BCL9L: variants seen among roughly 807,000 people sequenced by gnomAD.
BCL9L encodes B-cell CLL/lymphoma 9-like protein.
Under a neutral mutation model 99.4 loss-of-function variants are expected in BCL9L, and 19 were observed. The observed-to-expected ratio is 0.19, with a 90% CI of 0.13 to 0.28. BCL9L has a LOEUF of 0.28. Ranked by LOEUF, BCL9L falls within the 10% of genes least tolerant of loss-of-function variation. The probability of loss-of-function intolerance (pLI) is 1.00; values close to 1 mark genes in which losing one functional copy is unlikely to be tolerated. For synonymous variants in BCL9L, 900 were observed against 854.8 expected (o/e 1.05, Z -0.92); for missense variants, 2,023 against 2,101.6 (o/e 0.96, Z 0.73).
Position 118,900,683 on chromosome 11 carries a change from G to A in BCL9L, c.3060C>T (p.Val1020=). Residue 1020 remains valine (V), a synonymous_variant, in exon 8 of 10, where the codon GTC becomes GTT. Transcript: ENST00000683865. The surrounding 1 kb of genome is among the most constrained non-coding windows in gnomAD (Gnocchi z 5.3). ...SPKTAMPSPG[V]SQNKQPPLNM... ...TGAGAGGCGGCTGCTTGTTCTGGGA[G>A]ACCCCCGGGCTGGGCATGGCCGTCT... 1 of 1,613,520 alleles carries A rather than the reference G, an allele frequency of 6.2e-7. No homozygotes were observed. Among genetic ancestry groups the A allele is most frequent in the Non-Finnish European group, 8.5e-7 (1 of 1,179,826 alleles).
At chr11:118,907,874 G>A (rs1027630811) in intron 4 of BCL9L, among the ~76,000 whole-genome samples, 2 of 152,214 alleles carry the variant, frequency 1.3e-5, no homozygotes, top group Non-Finnish European at 2.9e-5. Context: ...CTGGAGGGGA[G>A]GGGGAGCTGC....
chr11:118,911,319 G>C (rs1420889881), intron 2 of BCL9L: 1 of 452,514 alleles, frequency 2.2e-6, no homozygotes, highest in Non-Finnish European at 4.4e-6. Context: ...GCTCCCTGCG[G>C]GGCTGCTGGA....
At chr11:118,911,224 G>A (rs1194545983) in intron 2 of BCL9L, 1 of 455,874 alleles carries the variant, frequency 2.2e-6, no homozygotes, top group Admixed American at 2.3e-5. Flanking sequence ...TCCAGCAGCC[G>A]ATCCCGGTCA....
At chr11:118,912,584 C>T (rs1293052590) in intron 2 of BCL9L, among the ~76,000 whole-genome samples, 1 of 152,138 alleles carries the variant, frequency 6.6e-6, no homozygotes, top group Non-Finnish European at 1.5e-5. Context: ...CTGAGGAAGG[C>T]TCAGATGCCC....
intron 2 of BCL9L, chr11:118,910,642 G>T (rs1008629765): frequency 6.6e-6 from 1 of 152,624 alleles, no homozygotes; most frequent in African/African-American, 2.4e-5. Flanking sequence ...CTTCGGCAGA[G>T]CCCGGGCGGA....
At chr11:118,920,702 G>A (rs1024548664) in intron 1 of BCL9L, among the ~76,000 whole-genome samples, 3 of 152,152 alleles carry the variant, frequency 2.0e-5, no homozygotes, top group East Asian at 3.8e-4. Flanking sequence ...TGGACAGGTG[G>A]TATGAGGACC....
chr11:118,924,645 G>A (rs1432909646), intron 1 of BCL9L, among the ~76,000 whole-genome samples: 6 of 152,108 alleles, frequency 3.9e-5, no homozygotes, highest in Non-Finnish European at 7.4e-5. Context: ...ATCAAGACAG[G>A]GGCCACCTCC....
rs1384694640 is a variant in BCL9L, at chr11:118,901,065, G to C, written c.2678C>G (p.Pro893Arg). 3 of 1,603,382 alleles carry C rather than the reference G, an allele frequency of 1.9e-6. No individual in the cohort carries two copies. Among genetic ancestry groups the C allele is most frequent in the Non-Finnish European group, 2.6e-6 (3 of 1,174,256 alleles). ...GTTRLSHMPL[P>R]PASNPPGTVH... ...GGTCCCAGGAGGATTGGACGCAGGG[G>C]GCAGAGGCATGTGGCTGAGCCGGGT... Residue 893 changes from proline to arginine, a missense_variant, in exon 8 of 10, where the codon CCC (proline) becomes CGC (arginine). Around this residue, in one of 3 missense-constraint regions of BCL9L, gnomAD observed 902 missense variants for 888.2 expected, o/e 1.02. Coordinates refer to ENST00000683865, the MANE Select transcript of BCL9L (RefSeq NM_001378213.1). The surrounding 1 kb of genome is among the most constrained non-coding windows in gnomAD (Gnocchi z 6.6).
rs1941169082 is a variant in BCL9L at position 118,922,486 on chromosome 11, G to A, written c.-131+2752C>T. ...CAGCCCCCACGGTGTGTTTGTGGGTGGGCAGCTGTCGGGGCTGGCAGGCAG... is the reference window on the plus strand; with the variant it reads ...CAGCCCCCACGGTGTGTTTGTGGGTAGGCAGCTGTCGGGGCTGGCAGGCAG... On this transcript the variant is annotated intron_variant, in intron 1 of 9. Transcript: ENST00000683865. The surrounding 1 kb of genome is among the most constrained non-coding windows in gnomAD (Gnocchi z 6.2). 6.6e-6 allele frequency among the ~76,000 whole-genome samples: 1 copy of A among 152,196 alleles called. No individual in the cohort carries two copies. Among genetic ancestry groups the A allele is most frequent in the Admixed American group, 6.5e-5 (1 of 15,292 alleles).
At chr11:118,909,414 C>A (rs1003842069) in intron 3 of BCL9L, among the ~76,000 whole-genome samples, 2 of 152,160 alleles carry the variant, frequency 1.3e-5, no homozygotes, top group Non-Finnish European at 2.9e-5. Flanking sequence ...GATCACATCA[C>A]GGGAGAGGAT....
At position 118,903,223 on chromosome 11, in the gene BCL9L, A is replaced by G; in HGVS notation, c.749+13T>C. ...AGAGAGAGAGAGACTTGGCCTGCCC[A>G]CCAGGCACTTACGTGTTGGCCAGGT... On this transcript the variant is annotated intron_variant, in intron 6 of 9. Transcript: ENST00000683865. This position sits in a 1 kb window ranked among gnomAD's most constrained non-coding sequence, Gnocchi z 5.6. 6.5e-7 allele frequency: 1 copy of G among 1,544,498 alleles called. No individual in the cohort carries two copies.
chr11:118,902,427 C>A lies in BCL9L; in HGVS notation c.1316G>T (p.Gly439Val). Residue 439 changes from glycine to valine, a missense_variant, in exon 8 of 10, where the codon GGT becomes GTT. Gly to Val is a moderately radical substitution (Grantham distance 109). This residue lies in a region of BCL9L where 1,116 missense variants were observed against 1,194.6 expected (regional missense o/e 0.93). Transcript: ENST00000683865. This position sits in a 1 kb window ranked among gnomAD's most constrained non-coding sequence, Gnocchi z 7.8. ...GGCTTGTGCTGGTGGGCCCCCCTCA[C>A]CCGCTCCTCCTGGGGGCCCCTTGAG... ...PFLKGPPGGA[G>V]EGGPPAQAPP... is the part of the protein sequence containing the mutation. The A allele has an allele frequency of 6.3e-7, 1 of 1,588,466 alleles. No individual in the cohort carries two copies. Among genetic ancestry groups the A allele is most frequent in the South Asian group, 1.1e-5 (1 of 87,422 alleles).
chr11:118,899,135 G>C lies in BCL9L; in HGVS notation c.3780C>G (p.Ala1260=). The C allele has an allele frequency of 6.5e-7, 1 of 1,531,962 alleles. No individual in the cohort carries two copies. Among genetic ancestry groups the C allele is most frequent in the Non-Finnish European group, 8.8e-7 (1 of 1,137,536 alleles). The allele number at this position is 1,531,962 out of a possible 1,614,324, so 94.9% of individuals were successfully genotyped here. The part of the protein sequence containing the change: ...GLQQHYPSGM[A]LPPEDLPNQP... ...GGTTGGGCAGGTCCTCGGGAGGCAG[G>C]GCCATGCCTGACGGGTAGTGCTGCT... Residue 1260 remains alanine (A), a synonymous_variant, in exon 10 of 10, where the codon GCC becomes GCG. Coordinates refer to ENST00000683865, the MANE Select transcript of BCL9L (RefSeq NM_001378213.1).
In BCL9L at chr11:118,903,145, C is replaced by T. The variant is rs1463027054; in HGVS notation, c.750-71G>A. On this transcript the variant is annotated intron_variant, in intron 6 of 9. Coordinates refer to ENST00000683865, the MANE Select transcript of BCL9L (RefSeq NM_001378213.1). The surrounding 1 kb of genome is among the most constrained non-coding windows in gnomAD (Gnocchi z 5.6). The stretch of plus-strand genomic sequence containing the variant: ...GGAGCCCCACCCTCACCCACCCCAC[C>T]CTGCCCCTGCACGGGGCTCCCTCGG... 9 of 1,548,202 alleles carry T rather than the reference C, an allele frequency of 5.8e-6. No homozygotes were observed. The highest frequency in any genetic ancestry group is 1.9e-5 in the Admixed American group (1 of 51,432).
At position 118,908,307 on chromosome 11, in the gene BCL9L, T is replaced by C; in HGVS notation, c.375A>G (p.Arg125=). The C allele has an allele frequency of 6.3e-7, 1 of 1,577,266 alleles. No individual in the cohort carries two copies. The highest frequency in any genetic ancestry group is 1.2e-5 in the South Asian group (1 of 85,646). ...RSVSVDSGEQ[R]EAGTPSLDSE... is the part of the protein sequence containing the mutation. Reference sequence around the variant, plus strand: ...AATCCAGGGATGGGGTCCCAGCCTCTCGCTGCTCTCCAGAGTCCACAGACA... The same window carrying C: ...AATCCAGGGATGGGGTCCCAGCCTCCCGCTGCTCTCCAGAGTCCACAGACA... Residue 125 remains arginine (R), a synonymous_variant, in exon 4 of 10, where the codon CGA becomes CGG. Transcript: ENST00000683865.
Position 118,907,541 on chromosome 11 carries a change from G to T in BCL9L, c.474C>A (p.Asp158Glu). 6.2e-7 allele frequency: 1 copy of T among 1,614,152 alleles called. No homozygotes were observed. Among genetic ancestry groups the T allele is most frequent in the Non-Finnish European group, 8.5e-7 (1 of 1,180,028 alleles). Residue 158 changes from aspartate to glutamate, a missense_variant, in exon 5 of 10, where the codon GAC becomes GAA. By Grantham distance (45) the Asp-to-Glu change is conservative (BLOSUM62 2). Around this residue, in one of 3 missense-constraint regions of BCL9L, gnomAD observed 1,116 missense variants for 1,194.6 expected, o/e 0.93. Coordinates refer to ENST00000683865, the MANE Select transcript of BCL9L (RefSeq NM_001378213.1). ...CACTGTCCGGTCCAGAGCACCATTCGTCCCCACTGTACGGCTGCTTCCGCT... is the reference window on the plus strand; with the variant it reads ...CACTGTCCGGTCCAGAGCACCATTCTTCCCCACTGTACGGCTGCTTCCGCT... ...VLERKQPYSG[D>E]EWCSGPDSEE... is the part of the protein sequence containing the mutation.
chr11:118,910,992 C>T, intron 2 of BCL9L: 2 of 281,766 alleles, frequency 7.1e-6, no homozygotes, highest in South Asian at 5.9e-5. Flanking sequence ...GCGCAGACAC[C>T]GGGGCTGCCC....
chr11:118,925,750 G>T lies in BCL9L; in HGVS notation c.-643C>A. 6.6e-6 allele frequency: 1 copy of T among 150,560 alleles called. No individual in the cohort carries two copies. Among genetic ancestry groups the T allele is most frequent in the South Asian group, 2.0e-4 (1 of 4,910 alleles). 9.3% of individuals were successfully genotyped at this position (150,560 alleles called of 1,614,324 possible). A position where few individuals can be genotyped will look rare whatever the true frequency, so the allele number is the denominator to read the frequency against. On this transcript the variant is annotated 5_prime_UTR_variant, in exon 1 of 10. Coordinates refer to ENST00000683865, the MANE Select transcript of BCL9L (RefSeq NM_001378213.1). The surrounding 1 kb of genome is among the most constrained non-coding windows in gnomAD (Gnocchi z 6.4). ...GCCCCCGGGCGGCGCGGCGCCGGGG[G>T]ACCCAGGCGTGCGGGCGTCCGGCCG...
At chr11:118,909,853 T>C in intron 3 of BCL9L, 61 bp downstream of exon 3, 2 of 1,612,530 alleles carry the variant, frequency 1.2e-6, no homozygotes, top group Non-Finnish European at 1.7e-6. Context: ...CCATCACCAC[T>C]GGGCCCTTCC....
Sources: allele counts gnomAD v4.1 joint callset (sites outside exome capture counted in the v4.1 genomes callset), GRCh38; gene constraint gnomAD v4.1.1; regional missense constraint gnomAD v4.1.1; non-coding constraint Gnocchi (gnomAD v3.1); transcripts MANE v1.5; gene names NCBI Gene and HGNC (gene_info 2026-07-23, HGNC 2026-07-21).